The following RORB variants were observed in gnomAD, a reference collection of about 807,000 sequenced individuals.
RORB encodes nuclear receptor ROR-beta.
Under a neutral mutation model 59.1 loss-of-function variants are expected in RORB, and 6 were observed. That is an observed-to-expected ratio of 0.10 (90% CI 0.06 to 0.20). RORB has a LOEUF of 0.20. Ranked by LOEUF, RORB falls within the 10% of genes least tolerant of loss-of-function variation. RORB has a pLI of 1.00. For synonymous variants in RORB, 215 were observed against 204.5 expected (o/e 1.05, Z -0.44); for missense variants, 320 against 560.5 (o/e 0.57, Z 4.33).
At chr9:74,640,594 G>A (rs958071127) in intron 3 of RORB, among the ~76,000 whole-genome samples, 4 of 152,066 alleles carry the variant, frequency 2.6e-5, no homozygotes, top group Admixed American at 1.3e-4. Flanking sequence ...TAGAATGTAG[G>A]TTTTTAAGAA....
At chr9:74,672,458 G>A (rs1824363816) in intron 9 of RORB, among the ~76,000 whole-genome samples, 1 of 152,098 alleles carries the variant, frequency 6.6e-6, no homozygotes, top group Non-Finnish European at 1.5e-5. Context: ...TTAGACTGAT[G>A]ACTTGTAAAT....
chr9:74,589,618 C>G (rs1822855748), intron 1 of RORB, among the ~76,000 whole-genome samples: 1 of 152,130 alleles, frequency 6.6e-6, no homozygotes, highest in African/African-American at 2.4e-5. Context: ...TATTAGTTTT[C>G]TTTTTCACAC....
At chr9:74,568,020 A>G (rs571116643) in intron 1 of RORB, among the ~76,000 whole-genome samples, 4 of 152,336 alleles carry the variant, frequency 2.6e-5, no homozygotes, top group African/African-American at 9.6e-5. Context: ...TGTAATTTAA[A>G]TGGACAAATT....
chr9:74,652,603 G>A lies in RORB; in HGVS notation c.638-8014G>A, dbSNP rs114906126. On this transcript the variant is annotated intron_variant, in intron 4 of 9. Transcript: ENST00000376896. ...TTTATTATTTTTAAAAGTTAGCATA[G>A]TATCTTACATTTTGTCAACATATTT... is the stretch of plus-strand genomic sequence containing the variant. Among the ~76,000 whole-genome samples the A allele has an allele frequency of 6.2e-3, 941 of 151,994 alleles. 13 individuals are homozygous for A. The highest frequency in any genetic ancestry group is 0.022 in the African/African-American group (905 of 41,438).
chr9:74,634,138 G>A (rs1026023151), intron 2 of RORB, among the ~76,000 whole-genome samples: 8 of 127,950 alleles, frequency 6.3e-5, no homozygotes, highest in Non-Finnish European at 1.5e-4. Flanking sequence ...ATTTTATGGT[G>A]GGGAAAAACA....
chr9:74,527,586 C>T (rs926739337), intron 1 of RORB, among the ~76,000 whole-genome samples: 2 of 151,862 alleles, frequency 1.3e-5, no homozygotes, highest in African/African-American at 2.4e-5. Flanking sequence ...CTGTTATTAC[C>T]AAAAATGATT....
At chr9:74,523,159 G>T (rs1361913510) in intron 1 of RORB, among the ~76,000 whole-genome samples, 1 of 151,632 alleles carries the variant, frequency 6.6e-6, no homozygotes, top group Non-Finnish European at 1.5e-5. Flanking sequence ...TTACAAGTCT[G>T]TTTGTTTTCT....
chr9:74,677,096 C>T (rs1259109795), intron 9 of RORB, among the ~76,000 whole-genome samples: 1 of 152,126 alleles, frequency 6.6e-6, no homozygotes, highest in Non-Finnish European at 1.5e-5. Context: ...CCCCACAGAC[C>T]GCTAAGAAGC....
rs75721805 is a variant in RORB, at chr9:74,604,667, T to C, written c.8-25615T>C. Among the ~76,000 whole-genome samples, 1,281 of 152,296 alleles carry C rather than the reference T, an allele frequency of 8.4e-3. 22 individuals are homozygous for C. Among genetic ancestry groups the C allele is most frequent in the African/African-American group, 0.029 (1,194 of 41,570 alleles). On this transcript the variant is annotated intron_variant, in intron 1 of 9. Transcript: ENST00000376896. Reference sequence around the variant, plus strand: ...TAAGTGTAGTGGTGTTAAATAGCAATTATTTCTACTTGGCAATTTTTATCT... The same window carrying C: ...TAAGTGTAGTGGTGTTAAATAGCAACTATTTCTACTTGGCAATTTTTATCT...
intron 4 of RORB, among the ~76,000 whole-genome samples, chr9:74,650,229 A>T (rs1365091597): frequency 6.6e-6 from 1 of 152,214 alleles, no homozygotes; most frequent in Non-Finnish European, 1.5e-5. Context: ...GTATTTCAAG[A>T]CATTATACTG....
chr9:74,624,520 T>C (rs192971534), intron 1 of RORB, among the ~76,000 whole-genome samples: 3 of 152,330 alleles, frequency 2.0e-5, no homozygotes, highest in Admixed American at 1.3e-4. Flanking sequence ...GGATCTTATT[T>C]TTCCAAGATC....
chr9:74,568,679 G>T (rs1292313311), intron 1 of RORB, among the ~76,000 whole-genome samples: 1 of 118,500 alleles, frequency 8.4e-6, no homozygotes, highest in Non-Finnish European at 1.7e-5. Flanking sequence ...CAGCCTGGGC[G>T]ACAAAGAAAG....
chr9:74,560,668 C>G (rs1822384152), intron 1 of RORB, among the ~76,000 whole-genome samples: 1 of 151,064 alleles, frequency 6.6e-6, no homozygotes, highest in Non-Finnish European at 1.5e-5. Context: ...ATAAATTTGT[C>G]TAATAATAAT....
chr9:74,651,618 C>T (rs748777184), intron 4 of RORB, among the ~76,000 whole-genome samples: 6 of 151,966 alleles, frequency 3.9e-5, no homozygotes, highest in African/African-American at 1.2e-4. Context: ...TAGAAAACAT[C>T]GCTGATGCCA....
chr9:74,670,314 TAGAA>T (rs1824327450), intron 8 of RORB, among the ~76,000 whole-genome samples: 1 of 152,224 alleles, frequency 6.6e-6, no homozygotes, highest in South Asian at 2.1e-4. Context: ...AAGGAAGCGT[TAGAA>T]AGAGTCACTT....
chr9:74,520,058 G>C (rs1489654886), intron 1 of RORB, among the ~76,000 whole-genome samples: 2 of 151,414 alleles, frequency 1.3e-5, no homozygotes, highest in Non-Finnish European at 2.9e-5. Context: ...GACTTAGAGA[G>C]AGAAGGAAAA....
chr9:74,607,516 A>G (rs1823165843), intron 1 of RORB, among the ~76,000 whole-genome samples: 1 of 152,298 alleles, frequency 6.6e-6, no homozygotes, highest in Non-Finnish European at 1.5e-5. Flanking sequence ...GAAGTTAGAA[A>G]TAAGTGAAAT....
At chr9:74,583,339 A>G (rs992065420) in intron 1 of RORB, among the ~76,000 whole-genome samples, 13 of 152,088 alleles carry the variant, frequency 8.5e-5, no homozygotes, top group African/African-American at 3.1e-4. Flanking sequence ...AACATTTCCC[A>G]CAGAAACAAT....
chr9:74,665,884 A>G (rs572385956), intron 7 of RORB, among the ~76,000 whole-genome samples: 2 of 152,162 alleles, frequency 1.3e-5, no homozygotes, highest in African/African-American at 2.4e-5. Flanking sequence ...GCTCATGCGT[A>G]TAATCCTAGA....
Sources: allele counts gnomAD v4.1 joint callset (sites outside exome capture counted in the v4.1 genomes callset), GRCh38; gene constraint gnomAD v4.1.1; transcripts MANE v1.5; gene names NCBI Gene and HGNC (gene_info 2026-07-23, HGNC 2026-07-21).